The following FANCL variants were observed in gnomAD, a reference collection of about 807,000 sequenced individuals.
The protein encoded by FANCL is FA complementation group L.
FANCL carries 69 observed loss-of-function variants against 59.4 expected under a neutral mutation model. That is an observed-to-expected ratio of 1.16 (90% CI 0.96 to 1.42). The LOEUF (loss-of-function observed/expected upper bound fraction) is 1.42, where lower values mean the gene tolerates loss of function less well. Ranked by LOEUF, FANCL falls within the 40% of genes most tolerant of loss-of-function variation. FANCL has a pLI of 0.00. For missense variants in FANCL, 519 were observed against 447.2 expected (o/e 1.16, Z -1.45); for synonymous variants, 180 against 147.1 (o/e 1.22, Z -1.62).
Position 58,163,214 on chromosome 2 carries a change from A to G in FANCL, c.776-140T>C. 7 of 791,650 alleles carry G rather than the reference A, an allele frequency of 8.8e-6. No individual in the cohort carries two copies. In the South Asian group the frequency reaches 9.9e-5, roughly 11 times the overall value. The allele number at this position is 791,650 out of a possible 1,614,324, so 49.0% of individuals were successfully genotyped here. On this transcript the variant is annotated intron_variant, in intron 9 of 13. Coordinates refer to ENST00000233741, the MANE Select transcript of FANCL (RefSeq NM_018062.4). ...ATTATGTTAAAAAACAAAATTATAC[A>G]GTTCAGAATGCTGAGACATTGTCAT...
Position 58,221,994 on chromosome 2 carries a change from G to A in FANCL, c.322C>T (p.Pro108Ser). The change falls in exon 5 of 14, where the codon CCC becomes TCC. Residue 108 changes from proline (P) to serine (S), a missense_variant. By Grantham distance (74) the Pro-to-Ser change is moderately conservative (BLOSUM62 -1). Transcript: ENST00000233741. ...RQELYALPPP[P>S]QFYSSLIEEI... The stretch of plus-strand genomic sequence containing the variant: ...TCAATAAGGCTTGAGTAGAACTGGG[G>A]AGGAGGAGGTAGTGCATACAGCTCT... 10 of 1,613,298 alleles carry A rather than the reference G, an allele frequency of 6.2e-6. No homozygotes were observed. Among genetic ancestry groups the A allele is most frequent in the Middle Eastern group, 1.7e-4 (1 of 6,058 alleles).
At chr2:58,163,400 C>CT (rs752905815) in intron 9 of FANCL, 34 bp downstream of exon 9, 3 of 1,359,730 alleles carry the variant, frequency 2.2e-6, no homozygotes, top group East Asian at 2.3e-5. Context: ...TTTTATGACT[C>CT]TATTAAAAAA....
intron 5 of FANCL, among the ~76,000 whole-genome samples, chr2:58,207,726 T>C (rs1298348035): frequency 3.9e-5 from 6 of 152,158 alleles, no homozygotes; most frequent in Non-Finnish European, 8.8e-5. Flanking sequence ...AAAAGAGTGA[T>C]AAACTCTTAC....
At position 58,160,161 on chromosome 2, in the gene FANCL, TTAG is replaced by T. The variant is rs763041336; in HGVS notation, c.1036_1038del (p.Leu346del). 1.9e-6 allele frequency: 3 copies of T among 1,612,866 alleles called. No individual in the cohort carries two copies. Among genetic ancestry groups the T allele is most frequent in the South Asian group, 2.2e-5 (2 of 91,062 alleles). On this transcript the variant is annotated inframe_deletion, in exon 13 of 14. Transcript: ENST00000233741. The stretch of plus-strand genomic sequence containing the variant: ...ATGATGTTAAAACTCTGTCTACTAG[TTAG>T]TAGTCCTCTCAGCCACTGCAAATTT...
At chr2:58,183,573 G>C (rs1688127763) in intron 7 of FANCL, among the ~76,000 whole-genome samples, 1 of 151,800 alleles carries the variant, frequency 6.6e-6, no homozygotes, top group Admixed American at 6.6e-5. Context: ...CTGCTTCATT[G>C]ATTTTATTCT....
chr2:58,238,585 C>T (rs559810347), intron 1 of FANCL, among the ~76,000 whole-genome samples: 2 of 151,992 alleles, frequency 1.3e-5, no homozygotes, highest in African/African-American at 4.8e-5. Context: ...AAAGCTCACT[C>T]AAAAGGAAAG....
intron 1 of FANCL, among the ~76,000 whole-genome samples, chr2:58,233,381 C>A (rs1026723916): frequency 9.9e-5 from 15 of 151,942 alleles, no homozygotes; most frequent in African/African-American, 3.6e-4. Context: ...AGAAAATGTC[C>A]AAAATTAGCT....
At chr2:58,235,012 G>T (rs1394593491) in intron 1 of FANCL, among the ~76,000 whole-genome samples, 1 of 151,950 alleles carries the variant, frequency 6.6e-6, no homozygotes, top group Non-Finnish European at 1.5e-5. Flanking sequence ...AAATTGTCTG[G>T]TTCTATGATG....
In FANCL at chr2:58,165,790, C is replaced by G; in HGVS notation, c.625G>C (p.Glu209Gln). ...AFWDVMDEID[E>Q]KTWVLEPEKP... ...TCTGGCTCAAGTACCCAGGTCTTCT[C>G]ATCGATTTCATCCATAACATCCCAG... is the stretch of plus-strand genomic sequence containing the variant. The change falls in exon 8 of 14, where the codon GAG (glutamate) becomes CAG (glutamine). Residue 209 changes from glutamate (E) to glutamine (Q), a missense_variant. Coordinates refer to ENST00000233741, the MANE Select transcript of FANCL (RefSeq NM_018062.4). 1 of 1,614,096 alleles carries G rather than the reference C, an allele frequency of 6.2e-7. No homozygotes were observed.
intron 7 of FANCL, among the ~76,000 whole-genome samples, chr2:58,193,914 T>G (rs1027363013): frequency 4.6e-5 from 7 of 152,142 alleles, no homozygotes; most frequent in Admixed American, 4.6e-4. Flanking sequence ...TACAATTAAA[T>G]TAATGACTGA....
At chr2:58,207,122 A>G (rs914578372) in intron 5 of FANCL, among the ~76,000 whole-genome samples, 6 of 152,140 alleles carry the variant, frequency 3.9e-5, no homozygotes, top group Non-Finnish European at 8.8e-5. Flanking sequence ...CTACAAGCAC[A>G]AGTGATGTGT....
intron 1 of FANCL, 45 bp downstream of exon 1, chr2:58,241,173 C>G: frequency 1.2e-6 from 2 of 1,600,876 alleles, no homozygotes; most frequent in South Asian, 2.2e-5. Context: ...CGCAGCTACG[C>G]TGCAAGAGGC....
intron 6 of FANCL, 49 bp downstream of exon 6, chr2:58,204,081 T>C (rs755874039): frequency 6.5e-6 from 9 of 1,385,752 alleles, no homozygotes; most frequent in Middle Eastern, 1.9e-4. Flanking sequence ...ACAGAGTTCA[T>C]TTCACAAAGT....
chr2:58,199,637 T>C (rs1034518979), intron 6 of FANCL, among the ~76,000 whole-genome samples: 1 of 152,282 alleles, frequency 6.6e-6, no homozygotes, highest in East Asian at 1.9e-4. Context: ...GTTTTTAAGT[T>C]AACAAAGGCA....
At chr2:58,171,343 A>G (rs966765796) in intron 7 of FANCL, among the ~76,000 whole-genome samples, 1 of 152,224 alleles carries the variant, frequency 6.6e-6, no homozygotes, top group East Asian at 1.9e-4. Context: ...GAACAAAGAC[A>G]CAATGTACCA....
intron 7 of FANCL, among the ~76,000 whole-genome samples, chr2:58,170,747 T>C (rs1686512971): frequency 6.7e-6 from 1 of 150,328 alleles, no homozygotes; most frequent in Non-Finnish European, 1.5e-5. Flanking sequence ...AAACAGACTT[T>C]AAACCAACAA....
chr2:58,159,417 A>C lies in FANCL; in HGVS notation c.*348T>G. On this transcript the variant is annotated 3_prime_UTR_variant, in exon 14 of 14. Transcript: ENST00000233741. ...CTTTGAATGAAGTAAACAGTTTCCC[A>C]CAAAAAATCAGCTATACACAATTCC... 1 of 1,613,638 alleles carries C rather than the reference A, an allele frequency of 6.2e-7. No individual in the cohort carries two copies. The highest frequency in any genetic ancestry group is 1.3e-5 in the African/African-American group (1 of 75,026).
At chr2:58,186,947 A>C (rs1688460016) in intron 7 of FANCL, among the ~76,000 whole-genome samples, 1 of 152,168 alleles carries the variant, frequency 6.6e-6, no homozygotes, top group Non-Finnish European at 1.5e-5. Context: ...AGAAATAGGA[A>C]TGCTTTTACA....
intron 7 of FANCL, among the ~76,000 whole-genome samples, chr2:58,169,154 G>T (rs1173079124): frequency 6.6e-6 from 1 of 152,188 alleles, no homozygotes; most frequent in Non-Finnish European, 1.5e-5. Context: ...ATACAGGAGA[G>T]CTCCAGCTGG....
Sources: allele counts gnomAD v4.1 joint callset (sites outside exome capture counted in the v4.1 genomes callset), GRCh38; gene constraint gnomAD v4.1.1; transcripts MANE v1.5; gene names NCBI Gene and HGNC (gene_info 2026-07-23, HGNC 2026-07-21).